Variants in WNT3A observed in about 807,000 individuals in gnomAD.
The protein encoded by WNT3A is protein Wnt-3a.
In WNT3A, 17 loss-of-function variants were observed where a neutral mutation model predicts 37.0. That is an observed-to-expected ratio of 0.46 (90% confidence interval 0.31 to 0.69). The LOEUF is 0.69. WNT3A is among the 30% of genes least tolerant of loss of function. The probability of loss-of-function intolerance (pLI) is 0.05; values close to 1 mark genes in which losing one functional copy is unlikely to be tolerated. For missense variants in WNT3A, 411 were observed against 510.2 expected, an observed-to-expected ratio of 0.81 and a Z score of 1.87; for synonymous variants, 187 against 211.0, an observed-to-expected ratio of 0.89 and a Z score of 0.99.
intron 1 of WNT3A, among the ~76,000 whole-genome samples, chr1:228,017,481 G>A (rs574614576): frequency 6.0e-4 from 91 of 152,278 alleles, no homozygotes; most frequent in African/African-American, 2.1e-3. Flanking sequence ...GGAAGGCCGA[G>A]GCGGGAGGAT....
chr1:228,038,310 G>A lies in WNT3A; in HGVS notation c.314-12346G>A, dbSNP rs1377062180. On this transcript the variant is annotated intron_variant, in intron 2 of 3. Coordinates refer to ENST00000284523, the MANE Select transcript of WNT3A (RefSeq NM_033131.4). This position sits in a 1 kb window ranked among gnomAD's most constrained non-coding sequence, Gnocchi z 5.7. ...GGCTCCGGCGGGGACCGGGGCGCGG[G>A]CTGAGTCCCCCTGTGTGCCCCACAG... Among the ~76,000 whole-genome samples the A allele has an allele frequency of 6.6e-6, 1 of 152,188 alleles. No individual in the cohort carries two copies. The highest frequency in any genetic ancestry group is 1.5e-5 in the Non-Finnish European group (1 of 68,026).
chr1:228,059,162 G>A lies in WNT3A; in HGVS notation c.756G>A (p.Trp252Ter). 6.2e-7 allele frequency: 1 copy of A among 1,613,472 alleles called. No individual in the cohort carries two copies. The highest frequency in any genetic ancestry group is 8.5e-7 in the Non-Finnish European group (1 of 1,179,982). Residue 252 changes from tryptophan (W) to a stop codon, truncating the protein, a stop_gained, in exon 4 of 4, where the codon TGG (tryptophan) becomes TGA (stop). Coordinates refer to ENST00000284523, the MANE Select transcript of WNT3A (RefSeq NM_033131.4). LOFTEE classifies it high-confidence loss of function. ...AGAAGCACCGGGAGTCCCGCGGCTG[G>A]GTGGAGACCCTGCGGCCGCGCTACA... ...VVEKHRESRG[W>*]VETLRPRYTY...
intron 1 of WNT3A, among the ~76,000 whole-genome samples, chr1:228,020,915 C>T (rs977898037): frequency 2.0e-5 from 3 of 152,096 alleles, no homozygotes; most frequent in Non-Finnish European, 2.9e-5. Context: ...GAGTCCGGTC[C>T]GGAGGCCAGA....
At chr1:228,040,769 C>T (rs960816479) in intron 2 of WNT3A, among the ~76,000 whole-genome samples, 1 of 151,468 alleles carries the variant, frequency 6.6e-6, no homozygotes, top group Non-Finnish European at 1.5e-5. Context: ...ACCTGTAGTC[C>T]CAGCTACTCG....
At chr1:228,058,909 G>A (rs755914892) in intron 3 of WNT3A, 77 bp from the exon 4 acceptor site, 6 of 1,403,904 alleles carry the variant, frequency 4.3e-6, no homozygotes, top group Non-Finnish European at 5.8e-6. Context: ...TAGGCTGCAG[G>A]CGACATGTAA....
At chr1:228,045,779 G>T (rs1415906696) in intron 2 of WNT3A, among the ~76,000 whole-genome samples, 1 of 152,206 alleles carries the variant, frequency 6.6e-6, no homozygotes, top group Non-Finnish European at 1.5e-5. Flanking sequence ...TGCATGATGG[G>T]CCTGGGTGCC....
chr1:228,029,741 C>T lies in WNT3A; in HGVS notation c.313+6833C>T, dbSNP rs552532177. Among the ~76,000 whole-genome samples the T allele has an allele frequency of 5.4e-4, 73 of 134,020 alleles. 1 individual carries two copies. Among genetic ancestry groups the T allele is most frequent in the Admixed American group, 2.1e-3 (28 of 13,538 alleles). The allele number at this position is 134,020 out of a possible 152,430, so 87.9% of individuals were successfully genotyped here. On this transcript the variant is annotated intron_variant, in intron 2 of 3. Coordinates refer to ENST00000284523, the MANE Select transcript of WNT3A (RefSeq NM_033131.4). ...GCAATAGTATGAATGCTTGTGCCCA[C>T]CCCCCCCCCAATTCCTACATTGAAA...
chr1:228,050,830 G>T lies in WNT3A; in HGVS notation c.488G>T (p.Gly163Val). The T allele has an allele frequency of 6.2e-7, 1 of 1,611,536 alleles. No homozygotes were observed. The highest frequency in any genetic ancestry group is 8.5e-7 in the Non-Finnish European group (1 of 1,178,288). Reference sequence around the variant, plus strand: ...TGTAGCGAGGACATCGAGTTTGGTGGGATGGTGTCTCGGGAGTTCGCCGAC... The same window carrying T: ...TGTAGCGAGGACATCGAGTTTGGTGTGATGGTGTCTCGGGAGTTCGCCGAC... ...GGCSEDIEFGGMVSREFADAR... is the reference protein window; with the variant it reads ...GGCSEDIEFGVMVSREFADAR... Residue 163 changes from glycine to valine, a missense_variant, in exon 3 of 4, where the codon GGG becomes GTG. Physicochemically the swap from Gly to Val is moderately radical, Grantham distance 109. Transcript: ENST00000284523. This position sits in a 1 kb window ranked among gnomAD's most constrained non-coding sequence, Gnocchi z 5.0.
At chr1:228,044,191 T>C (rs1355098266) in intron 2 of WNT3A, among the ~76,000 whole-genome samples, 2 of 152,188 alleles carry the variant, frequency 1.3e-5, no homozygotes, top group African/African-American at 2.4e-5. Context: ...CTTGCTATGT[T>C]GCCCAGGTTT....
chr1:228,060,230 G>A lies in WNT3A; in HGVS notation c.*765G>A, dbSNP rs765770383. On this transcript the variant is annotated 3_prime_UTR_variant, in exon 4 of 4. Coordinates refer to ENST00000284523, the MANE Select transcript of WNT3A (RefSeq NM_033131.4). ...TCCCGGCTCCAGAGCAGGAAATTCA[G>A]CCCACCAGCCACCTCATCCCCAACC... is the stretch of plus-strand genomic sequence containing the variant. 1 of 1,351,724 alleles carries A rather than the reference G, an allele frequency of 7.4e-7. No individual in the cohort carries two copies. Among genetic ancestry groups the A allele is most frequent in the Non-Finnish European group, 9.8e-7 (1 of 1,021,524 alleles). The allele number at this position is 1,351,724 out of a possible 1,614,324, so 83.7% of individuals were successfully genotyped here.
chr1:228,009,349 AGGACCCCTGCTGCT>A (rs1034167588), intron 1 of WNT3A, among the ~76,000 whole-genome samples: 14 of 152,306 alleles, frequency 9.2e-5, no homozygotes, highest in African/African-American at 2.4e-4. Context: ...GCAGTGCTGC[AGGACCCCTGCTGCT>A]GGACCCCTGC....
In WNT3A at chr1:228,038,291, G is replaced by C. The variant is rs2031191299; in HGVS notation, c.314-12365G>C. Among the ~76,000 whole-genome samples, 2 of 152,210 alleles carry C rather than the reference G, an allele frequency of 1.3e-5. No homozygotes were observed. The highest frequency in any genetic ancestry group is 2.4e-5 in the African/African-American group (1 of 41,558). On this transcript the variant is annotated intron_variant, in intron 2 of 3. Transcript: ENST00000284523. The surrounding 1 kb of genome is among the most constrained non-coding windows in gnomAD (Gnocchi z 5.7). ...CCGGGCGTCGGCTCCGGCGGGCTCCGGCGGGGACCGGGGCGCGGGCTGAGT... is the reference window on the plus strand; with the variant it reads ...CCGGGCGTCGGCTCCGGCGGGCTCCCGCGGGGACCGGGGCGCGGGCTGAGT...
chr1:228,048,155 C>T (rs2031466845), intron 2 of WNT3A, among the ~76,000 whole-genome samples: 1 of 152,180 alleles, frequency 6.6e-6, no homozygotes, highest in African/African-American at 2.4e-5. Flanking sequence ...CCCGCCTTGT[C>T]CCATGGGAGG....
rs1039361081 is a variant in WNT3A, at chr1:228,060,121, C to T, written c.*656C>T. ...TGGGTGGGGCTTCTCTGGGACCAGGCTCCAATGGGGCGGGGCTTCTCTCCG... is the reference window on the plus strand; with the variant it reads ...TGGGTGGGGCTTCTCTGGGACCAGGTTCCAATGGGGCGGGGCTTCTCTCCG... On this transcript the variant is annotated 3_prime_UTR_variant, in exon 4 of 4. Transcript: ENST00000284523. 6 of 1,319,522 alleles carry T rather than the reference C, an allele frequency of 4.5e-6. No individual in the cohort carries two copies. The Admixed American group carries it at 1.2e-4, about 27-fold the overall frequency. 81.7% of individuals were successfully genotyped at this position (1,319,522 alleles called of 1,614,324 possible).
chr1:228,055,217 T>TATATATAC (rs2031661108), intron 3 of WNT3A, among the ~76,000 whole-genome samples: 1 of 101,132 alleles, frequency 9.9e-6, no homozygotes, highest in Non-Finnish European at 1.9e-5. Flanking sequence ...TATATATATA[T>TATATATAC]ATACACACAC....
intron 2 of WNT3A, among the ~76,000 whole-genome samples, chr1:228,029,363 C>T (rs2030941182): frequency 6.6e-6 from 1 of 152,204 alleles, no homozygotes; most frequent in Non-Finnish European, 1.5e-5. Flanking sequence ...TGCATAGTAC[C>T]ATCCACCCCA....
chr1:228,026,423 T>C (rs2030856518), intron 2 of WNT3A, among the ~76,000 whole-genome samples: 1 of 152,206 alleles, frequency 6.6e-6, no homozygotes, highest in Non-Finnish European at 1.5e-5. Context: ...ATATATGGTG[T>C]TGGCTGCAGG....
At chr1:228,022,577 A>C (rs2030734041) in intron 1 of WNT3A, 90 bp from the exon 2 acceptor site, 1 of 1,459,230 alleles carries the variant, frequency 6.9e-7, no homozygotes, top group Admixed American at 2.2e-5. Flanking sequence ...CCCCGAATGC[A>C]CTTGAGGCCC....
intron 3 of WNT3A, among the ~76,000 whole-genome samples, chr1:228,051,935 C>T (rs1195240370): frequency 6.6e-6 from 1 of 152,162 alleles, no homozygotes; most frequent in African/African-American, 2.4e-5. Flanking sequence ...ATCATGAGGA[C>T]AGCACAAGCC....
Sources: gnomAD v4.1 joint callset for allele counts (sites outside exome capture counted in the v4.1 genomes callset) on GRCh38, gnomAD v4.1.1 for gene constraint, Gnocchi (gnomAD v3.1) non-coding constraint, MANE v1.5 for transcripts, NCBI Gene and HGNC (gene_info 2026-07-23, HGNC 2026-07-21) for gene names.